The following CLEC16A variants were observed in gnomAD, a reference collection of about 807,000 sequenced individuals.
CLEC16A encodes the protein protein CLEC16A.
Under a neutral mutation model 109.5 loss-of-function variants are expected in CLEC16A, and 51 were observed. That is an observed-to-expected ratio of 0.47 (90% CI 0.37 to 0.59). The LOEUF (loss-of-function observed/expected upper bound fraction) is 0.59, where lower values mean the gene tolerates loss of function less well. Among genes scored for constraint, CLEC16A ranks in the 20% least tolerant of loss-of-function variants. CLEC16A has a pLI of 0.00. For synonymous variants in CLEC16A, 673 were observed against 564.2 expected (o/e 1.19, Z -2.73); for missense variants, 1,339 against 1,394.0 (o/e 0.96, Z 0.63).
At chr16:11,048,264 A>C (rs1424228566) in intron 17 of CLEC16A, 2 of 152,228 alleles carry the variant, frequency 1.3e-5, no homozygotes, top group African/African-American at 4.8e-5. Context: ...TTCAGCATGC[A>C]GCTCTCCCTC....
At chr16:11,033,209 G>C (rs747383711) in intron 13 of CLEC16A, among the ~76,000 whole-genome samples, 11 of 152,106 alleles carry the variant, frequency 7.2e-5, no homozygotes, top group Non-Finnish European at 1.3e-4. Context: ...GATTTGGCTT[G>C]AGCAATGGTG....
At chr16:11,097,190 A>G (rs137996331) in intron 19 of CLEC16A, among the ~76,000 whole-genome samples, 21 of 152,348 alleles carry the variant, frequency 1.4e-4, no homozygotes, top group African/African-American at 4.6e-4. Context: ...CCCAGCTGAA[A>G]GACTTCTTTG....
rs535298628 is a variant in CLEC16A at position 11,013,388 on chromosome 16, G to A, written c.1304-6805G>A. 2.0e-5 allele frequency among the ~76,000 whole-genome samples: 3 copies of A among 152,210 alleles called. No homozygotes were observed. In the South Asian group the frequency reaches 6.2e-4, roughly 32 times the overall value. ...TCACACCTGTAATCCCACCACTTTG[G>A]GAGGCTGAGATGGGCGGATCATTTG... On this transcript the variant is annotated intron_variant, in intron 11 of 23. Transcript: ENST00000409790.
At chr16:10,967,204 C>A (rs763971167) in intron 3 of CLEC16A, among the ~76,000 whole-genome samples, 1 of 152,168 alleles carries the variant, frequency 6.6e-6, no homozygotes, top group Non-Finnish European at 1.5e-5. Context: ...GCCACAGGCC[C>A]ACACTGTGGC....
chr16:11,160,162 G>A (rs2054671497), intron 22 of CLEC16A, among the ~76,000 whole-genome samples: 1 of 152,058 alleles, frequency 6.6e-6, no homozygotes, highest in African/African-American at 2.4e-5. Flanking sequence ...CACATGGCCA[G>A]TATCCTCAGA....
intron 13 of CLEC16A, among the ~76,000 whole-genome samples, chr16:11,028,429 C>G (rs1373062711): frequency 1.3e-5 from 2 of 151,728 alleles, no homozygotes; most frequent in Non-Finnish European, 2.9e-5. Flanking sequence ...AGCAGTCGAC[C>G]AAGCCCAAGG....
chr16:10,957,916 G>C lies in CLEC16A; in HGVS notation c.209+6G>C, dbSNP rs1254853270. 2.5e-6 allele frequency: 4 copies of C among 1,612,474 alleles called. No individual in the cohort carries two copies. Among genetic ancestry groups the C allele is most frequent in the African/African-American group, 1.3e-5 (1 of 74,904 alleles). Reference sequence around the variant, plus strand: ...AATGACAGCTCTGTATTTGAGTAAGGGTTTCTAATGATTGCTGTTCTTTGA... The same window carrying C: ...AATGACAGCTCTGTATTTGAGTAAGCGTTTCTAATGATTGCTGTTCTTTGA... On this transcript the variant is annotated splice_donor_region_variant and intron_variant, in intron 2 of 23. Coordinates refer to ENST00000409790, the MANE Select transcript of CLEC16A (RefSeq NM_015226.3).
At chr16:11,038,628 C>A (rs2047155439) in intron 13 of CLEC16A, among the ~76,000 whole-genome samples, 1 of 152,138 alleles carries the variant, frequency 6.6e-6, no homozygotes, top group Non-Finnish European at 1.5e-5. Context: ...CCACCCCCAT[C>A]TAATATTTTA....
chr16:11,095,362 G>T (rs928597439), intron 19 of CLEC16A, among the ~76,000 whole-genome samples: 1 of 152,052 alleles, frequency 6.6e-6, no homozygotes, highest in Non-Finnish European at 1.5e-5. Context: ...CTGGGTGCAG[G>T]GCTCCCCCCA....
At chr16:11,098,419 T>C (rs564420745) in intron 19 of CLEC16A, among the ~76,000 whole-genome samples, 125 of 152,346 alleles carry the variant, frequency 8.2e-4, no homozygotes, top group Admixed American at 3.5e-3. Context: ...CCAGCCTGTT[T>C]AGTGTTGCTG....
At chr16:10,991,334 G>C (rs370096168) in intron 10 of CLEC16A, among the ~76,000 whole-genome samples, 1 of 143,980 alleles carries the variant, frequency 6.9e-6, no homozygotes, top group East Asian at 2.1e-4. Context: ...TGGTCATAAA[G>C]AACATCGTGA....
intron 19 of CLEC16A, among the ~76,000 whole-genome samples, chr16:11,110,364 AG>A (rs1182797367): frequency 5.9e-5 from 9 of 151,852 alleles, no homozygotes; most frequent in African/African-American, 2.2e-4. Context: ...GCTGGGGATT[AG>A]GGAAATGTAG....
intron 13 of CLEC16A, among the ~76,000 whole-genome samples, chr16:11,025,268 A>G (rs1490684458): frequency 6.6e-6 from 1 of 152,194 alleles, no homozygotes; most frequent in African/African-American, 2.4e-5. Flanking sequence ...CAGAACTGAA[A>G]TCAGTCAAAT....
intron 1 of CLEC16A, among the ~76,000 whole-genome samples, chr16:10,953,611 A>G (rs2145826986): frequency 6.6e-6 from 1 of 152,332 alleles, no homozygotes; most frequent in East Asian, 1.9e-4. Context: ...TATTTGCAAT[A>G]TTTATCTCCA....
chr16:11,173,129 A>G (rs1315403488), intron 23 of CLEC16A, among the ~76,000 whole-genome samples: 5 of 151,984 alleles, frequency 3.3e-5, no homozygotes, highest in Admixed American at 1.3e-4. Flanking sequence ...ACCCACCCAC[A>G]TGCCACTCAA....
intron 1 of CLEC16A, among the ~76,000 whole-genome samples, chr16:10,948,550 T>G (rs926463124): frequency 6.6e-6 from 1 of 152,230 alleles, no homozygotes; most frequent in African/African-American, 2.4e-5. Flanking sequence ...TGATTGCTAC[T>G]GAAACATCAT....
intron 19 of CLEC16A, among the ~76,000 whole-genome samples, chr16:11,110,898 C>G (rs904231899): frequency 6.6e-6 from 1 of 152,256 alleles, no homozygotes; most frequent in Non-Finnish European, 1.5e-5. Context: ...TGATACTGCT[C>G]TTCATGGTAA....
chr16:10,987,914 G>A (rs567816642), intron 10 of CLEC16A, among the ~76,000 whole-genome samples: 1 of 152,298 alleles, frequency 6.6e-6, no homozygotes, highest in East Asian at 1.9e-4. Flanking sequence ...AACCAAAATT[G>A]AAGAGAGAGA....
chr16:10,957,267 C>G (rs766559959), intron 1 of CLEC16A, among the ~76,000 whole-genome samples: 3 of 152,242 alleles, frequency 2.0e-5, no homozygotes, highest in Non-Finnish European at 4.4e-5. Context: ...GTCCCAGCAA[C>G]TGCTGTGGGA....
Sources: gnomAD v4.1 joint callset for allele counts (sites outside exome capture counted in the v4.1 genomes callset) on GRCh38, gnomAD v4.1.1 for gene constraint, MANE v1.5 for transcripts, NCBI Gene and HGNC (gene_info 2026-07-23, HGNC 2026-07-21) for gene names.